The following MCF2L variants were observed in gnomAD, a reference collection of about 807,000 sequenced individuals.
MCF2L encodes the protein guanine nucleotide exchange factor DBS.
Under a neutral mutation model 153.4 loss-of-function variants are expected in MCF2L, and 97 were observed. That is an observed-to-expected ratio of 0.63 (90% CI 0.54 to 0.75). MCF2L has a LOEUF of 0.75. Among genes scored for constraint, MCF2L ranks in the 30% least tolerant of loss-of-function variants. The pLI is 0.00. For synonymous variants in MCF2L, 659 were observed against 632.2 expected (o/e 1.04, Z -0.64); for missense variants, 1,347 against 1,495.2 (o/e 0.90, Z 1.64).
At chr13:112,923,499 G>C (rs1458019093) in intron 2 of MCF2L, among the ~76,000 whole-genome samples, 1 of 151,830 alleles carries the variant, frequency 6.6e-6, no homozygotes, top group African/African-American at 2.4e-5. Flanking sequence ...CTCCTGACCT[G>C]GTGATCTACC....
intron 1 of MCF2L, among the ~76,000 whole-genome samples, chr13:113,007,858 C>T (rs1445267878): frequency 5.9e-5 from 9 of 152,012 alleles, no homozygotes; most frequent in African/African-American, 2.2e-4. Flanking sequence ...GACCAAGAGC[C>T]GTCACGTGAC....
chr13:113,041,589 C>CGTG (rs2086493322), intron 3 of MCF2L, among the ~76,000 whole-genome samples: 1 of 149,336 alleles, frequency 6.7e-6, no homozygotes, highest in Non-Finnish European at 1.5e-5. Flanking sequence ...GCCCTGCCCC[C>CGTG]ATGACCACAG....
chr13:112,952,845 C>T (rs1158808599), intron 2 of MCF2L, among the ~76,000 whole-genome samples: 1 of 152,138 alleles, frequency 6.6e-6, no homozygotes, highest in African/African-American at 2.4e-5. Context: ...TTTATGGTCC[C>T]AGGGTGTCCA....
At chr13:113,066,936 G>T (rs1259308991) in intron 8 of MCF2L, among the ~76,000 whole-genome samples, 5 of 152,244 alleles carry the variant, frequency 3.3e-5, no homozygotes, top group Non-Finnish European at 5.9e-5. Context: ...CCCACACCCT[G>T]AGCTGCCTTC....
intron 1 of MCF2L, among the ~76,000 whole-genome samples, chr13:112,998,136 G>T (rs537698418): frequency 6.6e-6 from 1 of 152,358 alleles, no homozygotes; most frequent in African/African-American, 2.4e-5. Flanking sequence ...CGTGCACAGC[G>T]CAGCTCCTAG....
Position 113,064,730 on chromosome 13 carries a change from C to A in MCF2L, c.607-206C>A. The A allele has an allele frequency of 1.6e-6, 1 of 609,100 alleles. No individual in the cohort carries two copies. Among genetic ancestry groups the A allele is most frequent in the Non-Finnish European group, 2.9e-6 (1 of 349,428 alleles). 37.7% of individuals were successfully genotyped at this position (609,100 alleles called of 1,614,324 possible). On this transcript the variant is annotated intron_variant, in intron 6 of 29. Coordinates refer to ENST00000535094, the MANE Select transcript of MCF2L (RefSeq NM_001112732.3). The surrounding 1 kb of genome is among the most constrained non-coding windows in gnomAD (Gnocchi z 6.0). ...CGCAGGCACAGGCGACTCTAGGTGA[C>A]GGGCACACGTGTAGAGTGTGCCTGG...
At chr13:112,918,932 C>CTCTGG (rs2081324893) in intron 2 of MCF2L, among the ~76,000 whole-genome samples, 1 of 152,144 alleles carries the variant, frequency 6.6e-6, no homozygotes. Flanking sequence ...CACCTGTGGG[C>CTCTGG]TCTGCCCCTG....
At chr13:113,066,780 TGCTA>T (rs1398644643) in intron 8 of MCF2L, among the ~76,000 whole-genome samples, 1 of 143,370 alleles carries the variant, frequency 7.0e-6, no homozygotes, top group Non-Finnish European at 1.5e-5. Context: ...CGCTGGTGGG[TGCTA>T]TCAGCCCTGC....
intron 1 of MCF2L, among the ~76,000 whole-genome samples, chr13:112,992,201 C>T (rs547214494): frequency 4.6e-5 from 7 of 152,168 alleles, no homozygotes; most frequent in Non-Finnish European, 8.8e-5. Context: ...ACTCGGGTCA[C>T]GTCCCAAATG....
chr13:113,051,047 C>T (rs1056100779), intron 4 of MCF2L, among the ~76,000 whole-genome samples: 21 of 152,180 alleles, frequency 1.4e-4, no homozygotes, highest in African/African-American at 3.6e-4. Flanking sequence ...CCAGCTCTTC[C>T]CGGTGTGGCT....
intron 11 of MCF2L, 49 bp from the exon 12 acceptor site, chr13:113,075,917 T>G (rs2141930792): frequency 7.0e-7 from 1 of 1,434,078 alleles, no homozygotes. Context: ...AGGGTGACGC[T>G]CTCACCCTCT....
intron 2 of MCF2L, among the ~76,000 whole-genome samples, chr13:112,927,618 C>A (rs1049033448): frequency 6.6e-6 from 1 of 152,216 alleles, no homozygotes; most frequent in Non-Finnish European, 1.5e-5. Flanking sequence ...AAGCTGCTGG[C>A]ATCACAGAAG....
intron 2 of MCF2L, among the ~76,000 whole-genome samples, chr13:112,939,844 C>T (rs1023371787): frequency 6.6e-6 from 1 of 152,052 alleles, no homozygotes; most frequent in East Asian, 1.9e-4. Flanking sequence ...TGTTGGCATG[C>T]CTGTAATCCC....
rs544426597 is a variant in MCF2L, at chr13:112,940,810, A to G, written c.169+38439A>G. 3.6e-4 allele frequency among the ~76,000 whole-genome samples: 46 copies of G among 127,920 alleles called. 1 individual carries two copies. Among genetic ancestry groups the G allele is most frequent in the African/African-American group, 1.3e-3 (41 of 30,710 alleles). 83.9% of individuals were successfully genotyped at this position (127,920 alleles called of 152,430 possible). A position where few individuals can be genotyped will look rare whatever the true frequency, so the allele number is the denominator to read the frequency against. On this transcript the variant is annotated intron_variant, in intron 2 of 29. Coordinates refer to the MCF2L transcript ENST00000375608. ...AATATCAATGGTTCATTTCATGAGC[A>G]CTTAAAAAAAAATCACATCTTCATG...
chr13:113,052,516 C>T (rs545671187), intron 4 of MCF2L: 2 of 166,994 alleles, frequency 1.2e-5, no homozygotes, highest in East Asian at 1.9e-4. Context: ...GCTTAGAGCT[C>T]GTTGCACGGA....
rs568735260 is a variant in MCF2L, at chr13:112,898,341, C to T, written c.-4-3858C>T. The stretch of plus-strand genomic sequence containing the variant: ...CTCCGCGCTCTACCCGAGCTGGTTG[C>T]GGGGCGTGAGGTGGGCGCGTGTTTG... On this transcript the variant is annotated intron_variant, in intron 1 of 29. Transcript: ENST00000375608. 7.2e-5 allele frequency among the ~76,000 whole-genome samples: 11 copies of T among 152,304 alleles called. No homozygotes were observed. In the East Asian group the frequency reaches 1.7e-3, roughly 24 times the overall value.
chr13:113,081,296 G>A lies in MCF2L; in HGVS notation c.1875+17G>A. ...GTCCTGGAGGTGAGGCTGGACTCGGGGAGGGCCGACTGCCACGGGGACTCC... is the reference window on the plus strand; with the variant it reads ...GTCCTGGAGGTGAGGCTGGACTCGGAGAGGGCCGACTGCCACGGGGACTCC... On this transcript the variant is annotated intron_variant, in intron 16 of 29. Coordinates refer to ENST00000535094, the MANE Select transcript of MCF2L (RefSeq NM_001112732.3). The A allele has an allele frequency of 2.5e-6, 4 of 1,572,396 alleles. No homozygotes were observed. Among genetic ancestry groups the A allele is most frequent in the South Asian group, 1.2e-5 (1 of 85,600 alleles).
At chr13:112,985,797 G>A (rs1388272497) in intron 1 of MCF2L, among the ~76,000 whole-genome samples, 8 of 152,240 alleles carry the variant, frequency 5.3e-5, no homozygotes, top group Non-Finnish European at 1.0e-4. Flanking sequence ...GCTGCCCCGC[G>A]TCTTGAGAGC....
chr13:112,995,707 A>T (rs1289618714), intron 1 of MCF2L, among the ~76,000 whole-genome samples: 3 of 152,132 alleles, frequency 2.0e-5, no homozygotes, highest in Non-Finnish European at 4.4e-5. Context: ...CCTGTCACCG[A>T]ACCCTCCTTC....
Sources: allele counts gnomAD v4.1 joint callset (sites outside exome capture counted in the v4.1 genomes callset), GRCh38; gene constraint gnomAD v4.1.1; non-coding constraint Gnocchi (gnomAD v3.1); transcripts MANE v1.5; gene names NCBI Gene and HGNC (gene_info 2026-07-23, HGNC 2026-07-21).